Variants in NCOR2 observed in about 807,000 individuals in gnomAD.
NCOR2 encodes the protein CTG repeat protein 26.
NCOR2 carries 81 observed loss-of-function variants against 262.9 expected under a neutral mutation model. The observed-to-expected ratio is 0.31, with a 90% CI of 0.26 to 0.37. The LOEUF (loss-of-function observed/expected upper bound fraction) is 0.37, where lower values mean the gene tolerates loss of function less well. Among genes scored for constraint, NCOR2 ranks in the 10% least tolerant of loss-of-function variants. The pLI, the probability that NCOR2 is intolerant of heterozygous loss-of-function variation, is 1.00. For missense variants in NCOR2, 3,385 were observed against 3,621.4 expected, an observed-to-expected ratio of 0.93 and a Z score of 1.68; for synonymous variants, 1,659 against 1,559.3, an observed-to-expected ratio of 1.06 and a Z score of -1.51.
intron 1 of NCOR2, among the ~76,000 whole-genome samples, chr12:124,558,574 T>C (rs1329559270): frequency 6.6e-6 from 1 of 152,072 alleles, no homozygotes; most frequent in Non-Finnish European, 1.5e-5. Flanking sequence ...TGGGACCACG[T>C]CTCTCACTCC....
At position 124,506,296 on chromosome 12, in the gene NCOR2, GC is replaced by G. The variant is rs2049034175; in HGVS notation, c.-117-10929del. Among the ~76,000 whole-genome samples the G allele has an allele frequency of 4.0e-5, 6 of 149,692 alleles. No individual in the cohort carries two copies. The South Asian group carries it at 1.3e-3, about 32-fold the overall frequency. ...GCCCAAACCCCCGGCCCTCCCCACG[GC>G]CCTGCCAGCCCAGGCGCCCGCCCTC... On this transcript the variant is annotated intron_variant, in intron 1 of 46. Coordinates refer to the NCOR2 transcript ENST00000404621.
chr12:124,529,426 A>C (rs1049204043), intron 1 of NCOR2, among the ~76,000 whole-genome samples: 2 of 152,210 alleles, frequency 1.3e-5, no homozygotes, highest in Non-Finnish European at 2.9e-5. Context: ...GTGAGCCAAG[A>C]TCATGCCATG....
At chr12:124,555,166 G>A (rs568202280) in intron 1 of NCOR2, among the ~76,000 whole-genome samples, 1 of 152,318 alleles carries the variant, frequency 6.6e-6, no homozygotes, top group South Asian at 2.1e-4. Flanking sequence ...TGGCCACACC[G>A]GGTTATTGTG....
chr12:124,541,832 GAT>G (rs2051370133), intron 1 of NCOR2, among the ~76,000 whole-genome samples: 4 of 19,570 alleles, frequency 2.0e-4, no homozygotes, highest in Admixed American at 5.5e-4. Context: ...GATGGAGGGG[GAT>G]GGGGAGTGGA....
chr12:124,486,938 G>A (rs1193634826), intron 1 of NCOR2, among the ~76,000 whole-genome samples: 1 of 152,146 alleles, frequency 6.6e-6, no homozygotes, highest in Admixed American at 6.5e-5. Context: ...TCTGTCTGCC[G>A]GCCATGCTGG....
intron 20 of NCOR2, 84 bp downstream of exon 22, chr12:124,371,938 C>G (rs1436060277): frequency 7.3e-7 from 1 of 1,365,464 alleles, no homozygotes; most frequent in Non-Finnish European, 9.8e-7. Context: ...CAGAGCCAGA[C>G]TGGGTGCGGC....
intron 7 of NCOR2, among the ~76,000 whole-genome samples, chr12:124,448,187 T>C (rs1219400545): frequency 2.0e-5 from 3 of 152,128 alleles, no homozygotes; most frequent in African/African-American, 7.2e-5. Context: ...CTGGACTCAG[T>C]TGAGAACACC....
At chr12:124,325,544 A>C (rs766439355) in exon 47 of NCOR2, 3 of 1,334,726 alleles carry the variant, frequency 2.2e-6, no homozygotes, top group South Asian at 4.2e-5. Context: ...ACCCGCCTGC[A>C]GCCGCATGAT....
intron 20 of NCOR2, among the ~76,000 whole-genome samples, chr12:124,366,250 A>G (rs2048107): frequency 0.74 from 113,018 of 152,064 alleles, 42,742 homozygotes; most frequent in Non-Finnish European, 0.8. Context: ...GATGGAACAC[A>G]TGGCCATCAA....
intron 20 of NCOR2, among the ~76,000 whole-genome samples, chr12:124,367,533 G>A (rs962954307): frequency 2.3e-4 from 35 of 152,306 alleles, no homozygotes; most frequent in African/African-American, 5.8e-4. Context: ...CCATCTGACC[G>A]CCCCTTGTCC....
intron 1 of NCOR2, among the ~76,000 whole-genome samples, chr12:124,522,494 T>C (rs77471279): frequency 0.056 from 8,483 of 152,302 alleles, 478 homozygotes; most frequent in East Asian, 0.29. Flanking sequence ...TGGACTTCTC[T>C]GCTGTGTGTC....
At position 124,566,675 on chromosome 12, in the gene NCOR2, C is replaced by A. The variant is rs1037368565; in HGVS notation, c.-165+633G>T. Among the ~76,000 whole-genome samples the A allele has an allele frequency of 6.6e-6, 1 of 152,222 alleles. No homozygotes were observed. The highest frequency in any genetic ancestry group is 1.5e-5 in the Non-Finnish European group (1 of 68,032). ...GGGACTAGGAGGCGGCCCAATGAGG[C>A]GTCACCAGCCACGGGAGGCAGGCCC... On this transcript the variant is annotated intron_variant, in intron 1 of 32. Transcript: ENST00000458234. This position sits in a 1 kb window ranked among gnomAD's most constrained non-coding sequence, Gnocchi z 4.3.
intron 7 of NCOR2, 25 bp downstream of exon 9, chr12:124,449,790 T>A (rs1465589168): frequency 1.2e-6 from 2 of 1,613,438 alleles, no homozygotes; most frequent in Admixed American, 1.7e-5. Flanking sequence ...TCTGTGTGTC[T>A]GCACGGCTGC....
upstream of NCOR2, among the ~76,000 whole-genome samples, chr12:124,499,185 G>A (rs1013788489): frequency 3.3e-5 from 5 of 152,264 alleles, no homozygotes; most frequent in South Asian, 2.1e-4. Context: ...AGGAGAGGAC[G>A]AGGGAGCCCC....
chr12:124,466,305 C>G lies in NCOR2; in HGVS notation c.592-19G>C. On this transcript the variant is annotated intron_variant, in intron 4 of 46. Transcript: ENST00000405201. The stretch of plus-strand genomic sequence containing the variant: ...GCTGTTGCTGTGGGGAGAGGCAGAA[C>G]GTGAGGGATGAGCACCCCAGCGGGC... 6.3e-7 allele frequency: 1 copy of G among 1,598,468 alleles called. No individual in the cohort carries two copies. The highest frequency in any genetic ancestry group is 1.7e-5 in the Admixed American group (1 of 59,600).
At chr12:124,499,505 G>C (rs995031425), upstream of NCOR2, among the ~76,000 whole-genome samples, 2 of 152,234 alleles carry the variant, frequency 1.3e-5, no homozygotes, top group Admixed American at 1.3e-4. Context: ...TGAAGGCGAG[G>C]GGATGGAGAG....
At chr12:124,479,001 A>G (rs1270414530) in intron 3 of NCOR2, among the ~76,000 whole-genome samples, 1 of 152,158 alleles carries the variant, frequency 6.6e-6, no homozygotes, top group African/African-American at 2.4e-5. Flanking sequence ...ACGGTAAGGG[A>G]CGGAGACCCT....
intron 27 of NCOR2, 39 bp downstream of exon 29, chr12:124,354,054 G>C (rs753312841): frequency 1.0e-5 from 16 of 1,569,210 alleles, no homozygotes; most frequent in Non-Finnish European, 1.4e-5. Context: ...CCCCGTGCTG[G>C]TCCCAACCGT....
At chr12:124,351,108 C>G (rs753869846) in intron 27 of NCOR2, among the ~76,000 whole-genome samples, 5 of 152,134 alleles carry the variant, frequency 3.3e-5, no homozygotes, top group Non-Finnish European at 7.4e-5. Flanking sequence ...AAGGGGCAGG[C>G]GGGGACTTGA....
Sources: gnomAD v4.1 joint callset for allele counts (sites outside exome capture counted in the v4.1 genomes callset) on GRCh38, gnomAD v4.1.1 for gene constraint, Gnocchi (gnomAD v3.1) non-coding constraint, MANE v1.5 for transcripts, NCBI Gene and HGNC (gene_info 2026-07-23, HGNC 2026-07-21) for gene names.